The following TSHZ2 variants were observed in gnomAD, a reference collection of about 807,000 sequenced individuals.
The protein encoded by TSHZ2 is teashirt zinc finger homeobox 2.
A neutral mutation model predicts 74.4 loss-of-function variants in TSHZ2; 21 were observed. The observed-to-expected ratio is 0.28, with a 90% CI of 0.20 to 0.41. The LOEUF (loss-of-function observed/expected upper bound fraction) is 0.41, where lower values mean the gene tolerates loss of function less well. TSHZ2 is among the 10% of genes least tolerant of loss of function. The pLI is 1.00. For synonymous variants in TSHZ2, 540 were observed against 515.3 expected, an observed-to-expected ratio of 1.05 and a Z score of -0.65; for missense variants, 1,244 against 1,293.5, an observed-to-expected ratio of 0.96 and a Z score of 0.59.
chr20:53,070,096 GAAAA>G, intron 1 of TSHZ2, among the ~76,000 whole-genome samples: 1 of 152,098 alleles, frequency 6.6e-6, no homozygotes, highest in Non-Finnish European at 1.5e-5. Context: ...TATTTAGCAA[GAAAA>G]ACTTCATGAA....
At chr20:53,274,228 C>T (rs891281671) in intron 2 of TSHZ2, among the ~76,000 whole-genome samples, 61 of 152,348 alleles carry the variant, frequency 4.0e-4, no homozygotes, top group African/African-American at 1.5e-3. Context: ...CGAGATCGCA[C>T]CGCTGCGCTC....
chr20:53,222,600 T>G (rs1171099321), intron 1 of TSHZ2, among the ~76,000 whole-genome samples: 1 of 152,224 alleles, frequency 6.6e-6, no homozygotes, highest in Non-Finnish European at 1.5e-5. Context: ...TTCTGTCACT[T>G]GGCCCTGTGT....
chr20:53,237,553 T>C (rs1404929620), intron 1 of TSHZ2, among the ~76,000 whole-genome samples: 1 of 151,410 alleles, frequency 6.6e-6, no homozygotes, highest in African/African-American at 2.5e-5. Context: ...TTCTTTCTTC[T>C]ACATACGAAA....
chr20:52,979,008 T>C (rs1981459059), intron 1 of TSHZ2, among the ~76,000 whole-genome samples: 1 of 152,168 alleles, frequency 6.6e-6, no homozygotes, highest in Non-Finnish European at 1.5e-5. Flanking sequence ...ATTCTCACAT[T>C]CCTTAGGGTG....
At chr20:53,172,170 T>C (rs895715890) in intron 1 of TSHZ2, among the ~76,000 whole-genome samples, 1 of 152,242 alleles carries the variant, frequency 6.6e-6, no homozygotes, top group African/African-American at 2.4e-5. Context: ...CTCTGAACCA[T>C]ATCAATTTTG....
intron 1 of TSHZ2, among the ~76,000 whole-genome samples, chr20:53,057,222 T>C (rs1984668836): frequency 6.6e-6 from 1 of 152,246 alleles, no homozygotes; most frequent in African/African-American, 2.4e-5. Flanking sequence ...CAGTCTTGGA[T>C]ATTTCTTCAT....
intron 2 of TSHZ2, among the ~76,000 whole-genome samples, chr20:53,462,490 C>G (rs543700395): frequency 6.6e-6 from 1 of 152,248 alleles, no homozygotes; most frequent in South Asian, 2.1e-4. Context: ...TGTTGTTATT[C>G]CTTTACCTTC....
At chr20:53,211,423 T>C (rs1252379311) in intron 1 of TSHZ2, among the ~76,000 whole-genome samples, 2 of 151,858 alleles carry the variant, frequency 1.3e-5, no homozygotes, top group African/African-American at 4.8e-5. Context: ...TATTTTAGAA[T>C]CAGAGGGATA....
At chr20:53,187,002 G>A (rs748973843) in intron 1 of TSHZ2, among the ~76,000 whole-genome samples, 3 of 152,016 alleles carry the variant, frequency 2.0e-5, no homozygotes, top group East Asian at 1.9e-4. Context: ...CTGGTAGTTC[G>A]AGGAGCCCCT....
Position 53,136,395 on chromosome 20 carries a change from G to T in TSHZ2, c.41-117104G>T, listed in dbSNP as rs187408390. 1.7e-3 allele frequency among the ~76,000 whole-genome samples: 266 copies of T among 152,200 alleles called. 1 individual carries two copies. The highest frequency in any genetic ancestry group is 6.1e-3 in the African/African-American group (253 of 41,516). On this transcript the variant is annotated intron_variant, in intron 1 of 2. Coordinates refer to ENST00000371497, the MANE Select transcript of TSHZ2 (RefSeq NM_173485.6). ...AGGGATCGAAGAGCTAGTTTTTAAGGGAACTTAAAATTAATTTGAGCTTAC... is the reference window on the plus strand; with the variant it reads ...AGGGATCGAAGAGCTAGTTTTTAAGTGAACTTAAAATTAATTTGAGCTTAC...
intron 2 of TSHZ2, among the ~76,000 whole-genome samples, chr20:53,309,507 A>G (rs1978690403): frequency 1.3e-5 from 2 of 152,370 alleles, no homozygotes; most frequent in African/African-American, 4.8e-5. Flanking sequence ...AAACCACTGT[A>G]CATTAGACAA....
intron 2 of TSHZ2, among the ~76,000 whole-genome samples, chr20:53,381,916 C>T (rs1981873479): frequency 6.6e-6 from 1 of 152,214 alleles, no homozygotes; most frequent in Admixed American, 6.5e-5. Flanking sequence ...GCATTGCTTT[C>T]TCTGCCAGCT....
chr20:53,156,568 A>C (rs924439887), intron 1 of TSHZ2, among the ~76,000 whole-genome samples: 1 of 152,242 alleles, frequency 6.6e-6, no homozygotes, highest in African/African-American at 2.4e-5. Flanking sequence ...AAACCAGTTC[A>C]GTGATTTTCC....
At chr20:53,064,676 A>G (rs894222065) in intron 1 of TSHZ2, among the ~76,000 whole-genome samples, 2 of 106,496 alleles carry the variant, frequency 1.9e-5, no homozygotes, top group Non-Finnish European at 3.6e-5. Context: ...TAAATAAAAG[A>G]CGTAGACAGA....
intron 2 of TSHZ2, among the ~76,000 whole-genome samples, chr20:53,334,319 G>A (rs928594906): frequency 6.6e-6 from 1 of 152,204 alleles, no homozygotes; most frequent in Non-Finnish European, 1.5e-5. Flanking sequence ...GGGCCTCACT[G>A]TGAAAGGAGT....
At chr20:53,299,100 G>C (rs748734430) in intron 2 of TSHZ2, among the ~76,000 whole-genome samples, 3 of 152,176 alleles carry the variant, frequency 2.0e-5, no homozygotes, top group Non-Finnish European at 4.4e-5. Context: ...TTCTTCCTGG[G>C]CAAACCCCCA....
intron 2 of TSHZ2, among the ~76,000 whole-genome samples, chr20:53,274,121 T>A (rs1301045910): frequency 6.6e-6 from 1 of 152,042 alleles, no homozygotes; most frequent in Non-Finnish European, 1.5e-5. Context: ...AATACAAAAA[T>A]TAGCTGGGTG....
At chr20:53,250,045 A>C (rs558988504) in intron 1 of TSHZ2, among the ~76,000 whole-genome samples, 1 of 152,226 alleles carries the variant, frequency 6.6e-6, no homozygotes, top group South Asian at 2.1e-4. Context: ...AATGGACCGG[A>C]TTTGCTCGTG....
intron 2 of TSHZ2, among the ~76,000 whole-genome samples, chr20:53,413,209 C>T (rs1368856989): frequency 6.6e-6 from 1 of 152,216 alleles, no homozygotes; most frequent in Non-Finnish European, 1.5e-5. Flanking sequence ...TACAAACCAA[C>T]TCCCGCTGAT....
Sources: gnomAD v4.1 joint callset for allele counts (sites outside exome capture counted in the v4.1 genomes callset) on GRCh38, gnomAD v4.1.1 for gene constraint, MANE v1.5 for transcripts, NCBI Gene and HGNC (gene_info 2026-07-23, HGNC 2026-07-21) for gene names.